RFTN1: variants seen among roughly 807,000 people sequenced by gnomAD.
RFTN1 encodes the protein raftlin.
Under a neutral mutation model 46.5 loss-of-function variants are expected in RFTN1, and 26 were observed. That is an observed-to-expected ratio of 0.56 (90% CI 0.41 to 0.78). RFTN1 has a LOEUF of 0.78. Ranked by LOEUF, RFTN1 falls within the 30% of genes least tolerant of loss-of-function variation. RFTN1 has a pLI of 0.00. For missense variants in RFTN1, 693 were observed against 718.7 expected, an observed-to-expected ratio of 0.96 and a Z score of 0.41; for synonymous variants, 261 against 284.2, an observed-to-expected ratio of 0.92 and a Z score of 0.82.
At chr3:16,325,598 C>A (rs1404667869) in intron 8 of RFTN1, among the ~76,000 whole-genome samples, 4 of 152,174 alleles carry the variant, frequency 2.6e-5, no homozygotes, top group Non-Finnish European at 5.9e-5. Flanking sequence ...GGCCCCAAAT[C>A]CAGGGTTCTT....
At chr3:16,508,549 T>C (rs1242179564) in intron 1 of RFTN1, among the ~76,000 whole-genome samples, 4 of 152,238 alleles carry the variant, frequency 2.6e-5, no homozygotes, top group African/African-American at 9.6e-5. Context: ...TGGCTATCGC[T>C]TGCCTGCTGT....
In RFTN1 at chr3:16,506,406, G is replaced by A. The variant is rs577944741; in HGVS notation, c.-9+7036C>T. Among the ~76,000 whole-genome samples the A allele has an allele frequency of 6.6e-6, 1 of 152,208 alleles. No individual in the cohort carries two copies. Among genetic ancestry groups the A allele is most frequent in the East Asian group, 1.9e-4 (1 of 5,174 alleles). On this transcript the variant is annotated intron_variant, in intron 1 of 9. Transcript: ENST00000334133. This position sits in a 1 kb window ranked among gnomAD's most constrained non-coding sequence, Gnocchi z 4.8. Reference sequence around the variant, plus strand: ...GAGTTGGAAGCCTCTGGAAGGTTTCGAGCTGAAAGAAGACATCAATTACTC... The same window carrying A: ...GAGTTGGAAGCCTCTGGAAGGTTTCAAGCTGAAAGAAGACATCAATTACTC...
rs2074690269 is a variant in RFTN1 at position 16,403,777 on chromosome 3, A to ATTT, written c.441+5597_441+5598insAAA. ...ATATAAAATATATAATATATAATAT[A>ATTT]TATTATATATTTTATATATAATATA... is the stretch of plus-strand genomic sequence containing the variant. On this transcript the variant is annotated intron_variant, in intron 4 of 9. Transcript: ENST00000334133. Among the ~76,000 whole-genome samples, 6 of 17,706 alleles carry ATTT rather than the reference A, an allele frequency of 3.4e-4. 3 individuals carry two copies. The highest frequency in any genetic ancestry group is 1.8e-3 in the African/African-American group (6 of 3,332). 11.6% of individuals were successfully genotyped at this position (17,706 alleles called of 152,430 possible).
Position 16,383,711 on chromosome 3 carries a change from CAGAA to C in RFTN1, c.442-5613_442-5610del, listed in dbSNP as rs1268635504. 1.3e-5 allele frequency among the ~76,000 whole-genome samples: 2 copies of C among 152,044 alleles called. No individual in the cohort carries two copies. Among genetic ancestry groups the C allele is most frequent in the South Asian group, 4.1e-4 (2 of 4,830 alleles). ...ATGTGTATCAATCGGGGTGAGAAAT[CAGAA>C]AGAAGTGAGACACAGGTTGGATTTC... On this transcript the variant is annotated intron_variant, in intron 4 of 9. Transcript: ENST00000334133. This position sits in a 1 kb window ranked among gnomAD's most constrained non-coding sequence, Gnocchi z 4.0.
rs1477002587 is a variant in RFTN1 at position 16,433,115 on chromosome 3, AATTTTT to A, written c.332+730_332+735del. Reference sequence around the variant, plus strand: ...GATTTCCTTTCCCAGACTTCATTTTAATTTTTATTTTTATGAAAGCAGGAAAAACAT... The same window carrying A: ...GATTTCCTTTCCCAGACTTCATTTTAATTTTTATGAAAGCAGGAAAAACAT... On this transcript the variant is annotated intron_variant, in intron 3 of 9. Transcript: ENST00000334133. The surrounding 1 kb of genome is among the most constrained non-coding windows in gnomAD (Gnocchi z 4.4). Among the ~76,000 whole-genome samples the A allele has an allele frequency of 3.9e-5, 6 of 152,108 alleles. No homozygotes were observed. The East Asian group carries it at 1.2e-3, about 29-fold the overall frequency.
rs200423398 is a variant in RFTN1, at chr3:16,426,659, T to TTGTGTG, written c.332+7191_332+7192insCACACA. 1.3e-4 allele frequency among the ~76,000 whole-genome samples: 8 copies of TTGTGTG among 63,658 alleles called. No individual in the cohort carries two copies. In the South Asian group the frequency reaches 3.4e-3, roughly 27 times the overall value. The allele number at this position is 63,658 out of a possible 152,430, so 41.8% of individuals were successfully genotyped here. ...CACTGTTATTTTGGCAATGAAAGGA[T>TTGTGTG]CGTGTGTGTGTGTGTGTGTGTGTGT... On this transcript the variant is annotated intron_variant, in intron 3 of 9. Transcript: ENST00000334133. This position sits in a 1 kb window ranked among gnomAD's most constrained non-coding sequence, Gnocchi z 5.9.
At chr3:16,497,233 A>G (rs2076639726) in intron 1 of RFTN1, among the ~76,000 whole-genome samples, 1 of 152,200 alleles carries the variant, frequency 6.6e-6, no homozygotes, top group Admixed American at 6.5e-5. Flanking sequence ...AAAATAATAA[A>G]CAAATCTGTG....
In RFTN1 at chr3:16,320,666, G is replaced by A. The variant is rs1391322440; in HGVS notation, c.1332+2710C>T. On this transcript the variant is annotated intron_variant, in intron 9 of 9. Coordinates refer to ENST00000334133, the MANE Select transcript of RFTN1 (RefSeq NM_015150.2). The surrounding 1 kb of genome is among the most constrained non-coding windows in gnomAD (Gnocchi z 4.5). ...GTTTGGTATAAAAGGAGACAGCACT[G>A]TTCTGAGAAAAGGATGCTCGAGTAG... Among the ~76,000 whole-genome samples, 1 of 152,232 alleles carries A rather than the reference G, an allele frequency of 6.6e-6. No individual in the cohort carries two copies.
rs1314242609 is a variant in RFTN1 at position 16,376,904 on chromosome 3, TAAC to T, written c.826+811_826+813del. On this transcript the variant is annotated intron_variant, in intron 5 of 9. Transcript: ENST00000334133. This position sits in a 1 kb window ranked among gnomAD's most constrained non-coding sequence, Gnocchi z 4.7. ...TCAAGAATTCGTAAATAAATGGTAATAACAATATTAACCAGGGAGATCATCCAG... is the reference window on the plus strand; with the variant it reads ...TCAAGAATTCGTAAATAAATGGTAATAATATTAACCAGGGAGATCATCCAG... Among the ~76,000 whole-genome samples, 1 of 152,120 alleles carries T rather than the reference TAAC, an allele frequency of 6.6e-6. No homozygotes were observed. Among genetic ancestry groups the T allele is most frequent in the East Asian group, 1.9e-4 (1 of 5,196 alleles).
chr3:16,496,179 G>A (rs987475248), intron 1 of RFTN1, among the ~76,000 whole-genome samples: 3 of 152,210 alleles, frequency 2.0e-5, no homozygotes, highest in African/African-American at 4.8e-5. Context: ...AGGAAGCCCC[G>A]ATTTGTAGTT....
Position 16,354,103 on chromosome 3 carries a change from A to G in RFTN1, c.1146+3829T>C, listed in dbSNP as rs1013262465. On this transcript the variant is annotated intron_variant, in intron 7 of 9. Transcript: ENST00000334133. ...AAAGCCTTCAACCCAATCAGCAAGC[A>G]TTTACTGGAGTGCCTTGGAGAACAA... is the stretch of plus-strand genomic sequence containing the variant. Among the ~76,000 whole-genome samples, 16 of 152,350 alleles carry G rather than the reference A, an allele frequency of 1.1e-4. 1 individual carries two copies. The highest frequency in any genetic ancestry group is 1.0e-3 in the South Asian group (5 of 4,832).
intron 2 of RFTN1, among the ~76,000 whole-genome samples, chr3:16,470,450 A>G (rs7610834): frequency 0.1 from 15,925 of 152,168 alleles, 942 homozygotes; most frequent in Middle Eastern, 0.16. Context: ...TCGGACAGAA[A>G]CCCACAGTTT....
Position 16,507,652 on chromosome 3 carries a change from A to T in RFTN1, c.-9+5790T>A, listed in dbSNP as rs969932546. On this transcript the variant is annotated intron_variant, in intron 1 of 9. Transcript: ENST00000334133. The surrounding 1 kb of genome is among the most constrained non-coding windows in gnomAD (Gnocchi z 7.1). Reference sequence around the variant, plus strand: ...CACACACATGCACACATCCACAAACACGCACATACATACACACACAATGCA... The same window carrying T: ...CACACACATGCACACATCCACAAACTCGCACATACATACACACACAATGCA... Among the ~76,000 whole-genome samples, 8 of 151,474 alleles carry T rather than the reference A, an allele frequency of 5.3e-5. No individual in the cohort carries two copies. The highest frequency in any genetic ancestry group is 1.9e-4 in the African/African-American group (8 of 41,182).
Position 16,427,150 on chromosome 3 carries a change from A to G in RFTN1, c.332+6701T>C, listed in dbSNP as rs1244373888. 6.6e-6 allele frequency among the ~76,000 whole-genome samples: 1 copy of G among 152,216 alleles called. No homozygotes were observed. The highest frequency in any genetic ancestry group is 6.5e-5 in the Admixed American group (1 of 15,278). On this transcript the variant is annotated intron_variant, in intron 3 of 9. Transcript: ENST00000334133. This position sits in a 1 kb window ranked among gnomAD's most constrained non-coding sequence, Gnocchi z 5.4. ...TTAGGGACAAACAATCCTACTTTGG[A>G]AAAGTGAGGCTAAAAGAGAAGTTTT...
intron 7 of RFTN1, among the ~76,000 whole-genome samples, chr3:16,355,390 G>T (rs565921471): frequency 6.6e-6 from 1 of 152,350 alleles, no homozygotes; most frequent in South Asian, 2.1e-4. Flanking sequence ...TCCAAGATCA[G>T]GCATCTTGAC....
Position 16,316,376 on chromosome 3 carries a change from T to C in RFTN1, c.*452A>G. 5.2e-6 allele frequency: 1 copy of C among 191,912 alleles called. No individual in the cohort carries two copies. The highest frequency in any genetic ancestry group is 1.1e-5 in the Non-Finnish European group (1 of 94,944). The allele number at this position is 191,912 out of a possible 1,614,324, so 11.9% of individuals were successfully genotyped here. On this transcript the variant is annotated 3_prime_UTR_variant, in exon 10 of 10. Transcript: ENST00000334133. The surrounding 1 kb of genome is among the most constrained non-coding windows in gnomAD (Gnocchi z 4.5). ...AGGGCAGCTGACAGGGCTCCTGGAGTTGTTAAGTCACCAAGTAGCTGCAGG... is the reference window on the plus strand; with the variant it reads ...AGGGCAGCTGACAGGGCTCCTGGAGCTGTTAAGTCACCAAGTAGCTGCAGG...
At chr3:16,330,176 C>T (rs962481539) in intron 7 of RFTN1, among the ~76,000 whole-genome samples, 37 of 152,252 alleles carry the variant, frequency 2.4e-4, no homozygotes, top group African/African-American at 7.0e-4. Context: ...TTCAATCTCA[C>T]GTGTTAATTT....
chr3:16,341,435 C>T lies in RFTN1; in HGVS notation c.1147-14559G>A, dbSNP rs943726844. ...CCTTCAGTAACTGACAGAGAAACTG[C>T]AGTGGAACCATACAATGAAATATTA... On this transcript the variant is annotated intron_variant, in intron 7 of 9. Transcript: ENST00000334133. The surrounding 1 kb of genome is among the most constrained non-coding windows in gnomAD (Gnocchi z 4.7). Among the ~76,000 whole-genome samples, 1 of 152,110 alleles carries T rather than the reference C, an allele frequency of 6.6e-6. No individual in the cohort carries two copies. Among genetic ancestry groups the T allele is most frequent in the African/African-American group, 2.4e-5 (1 of 41,426 alleles).
chr3:16,371,218 A>G (rs1293436875), intron 5 of RFTN1, among the ~76,000 whole-genome samples: 1 of 152,226 alleles, frequency 6.6e-6, no homozygotes, highest in African/African-American at 2.4e-5. Flanking sequence ...TTGAAGCAAG[A>G]ATTTAAAGGT....
Sources: gnomAD v4.1 joint callset for allele counts (sites outside exome capture counted in the v4.1 genomes callset) on GRCh38, gnomAD v4.1.1 for gene constraint, Gnocchi (gnomAD v3.1) non-coding constraint, MANE v1.5 for transcripts, NCBI Gene and HGNC (gene_info 2026-07-23, HGNC 2026-07-21) for gene names.